FMN1: variants seen among roughly 807,000 people sequenced by gnomAD.
FMN1 encodes formin-1.
A neutral mutation model predicts 132.4 loss-of-function variants in FMN1; 110 were observed. The observed-to-expected ratio is 0.83, with a 90% confidence interval of 0.71 to 0.97. FMN1 has a LOEUF of 0.97. Ranked by LOEUF, FMN1 falls within the 50% of genes least tolerant of loss-of-function variation. The probability of loss-of-function intolerance (pLI) is 0.00; values close to 1 mark genes in which losing one functional copy is unlikely to be tolerated. For synonymous variants in FMN1, 722 were observed against 651.7 expected (o/e 1.11, Z -1.64); for missense variants, 1,792 against 1,705.3 (o/e 1.05, Z -0.90).
intron 6 of FMN1, among the ~76,000 whole-genome samples, chr15:33,045,145 G>T (rs1396932578): frequency 6.6e-6 from 1 of 152,224 alleles, no homozygotes; most frequent in Non-Finnish European, 1.5e-5. Flanking sequence ...TGCCAGCCGT[G>T]GAAGCTGCTT....
At chr15:33,026,399 C>T (rs345866) in intron 6 of FMN1, among the ~76,000 whole-genome samples, 58,631 of 138,958 alleles carry the variant, frequency 0.42, 11,910 homozygotes, top group Admixed American at 0.51. Flanking sequence ...TTAGAGGATA[C>T]GTCCAAATTT....
intron 4 of FMN1, 40 bp from the exon 5 acceptor site, chr15:33,089,014 C>CAAAT (rs369034455): frequency 1.2e-5 from 18 of 1,481,242 alleles, no homozygotes; most frequent in South Asian, 3.8e-5. Context: ...ACATGGCAGC[C>CAAAT]AAATAAATAA....
chr15:33,016,623 G>A (rs369849942), intron 6 of FMN1, among the ~76,000 whole-genome samples: 124 of 152,336 alleles, frequency 8.1e-4, no homozygotes, highest in African/African-American at 2.5e-3. Context: ...AGCAGCTGGT[G>A]AGAGGCTGTT....
chr15:32,781,210 GATCT>G (rs1253497730), intron 19 of FMN1, among the ~76,000 whole-genome samples: 4 of 152,044 alleles, frequency 2.6e-5, no homozygotes, highest in Non-Finnish European at 4.4e-5. Flanking sequence ...AATACTTAAA[GATCT>G]ATCAACTCAG....
intron 5 of FMN1, chr15:33,067,202 C>T (rs370979647): frequency 1.7e-5 from 28 of 1,613,402 alleles, no homozygotes; most frequent in Non-Finnish European, 1.9e-5. Context: ...GCTGGGGCGA[C>T]GCTCTGTCTG....
At chr15:33,127,717 T>A (rs1296848212) in intron 4 of FMN1, among the ~76,000 whole-genome samples, 2 of 152,188 alleles carry the variant, frequency 1.3e-5, no homozygotes, top group African/African-American at 4.8e-5. Context: ...GAACCTGTGG[T>A]TTCAGGCAGG....
intron 6 of FMN1, among the ~76,000 whole-genome samples, chr15:33,045,709 A>G (rs771065878): frequency 2.6e-5 from 4 of 152,206 alleles, no homozygotes; most frequent in Non-Finnish European, 5.9e-5. Flanking sequence ...TGGGTCAGAA[A>G]GAAACTGGTA....
chr15:33,077,716 T>A (rs1237409204), intron 5 of FMN1, among the ~76,000 whole-genome samples: 3 of 148,962 alleles, frequency 2.0e-5, no homozygotes, highest in Non-Finnish European at 4.4e-5. Flanking sequence ...TATGGCTGCA[T>A]GGGAGAAAAT....
intron 19 of FMN1, among the ~76,000 whole-genome samples, chr15:32,782,246 G>A (rs1301384256): frequency 6.6e-6 from 1 of 152,166 alleles, no homozygotes; most frequent in Non-Finnish European, 1.5e-5. Flanking sequence ...CCTTTACCCA[G>A]CACTGTACCA....
chr15:33,094,116 G>A (rs1463319215), intron 4 of FMN1, among the ~76,000 whole-genome samples: 1 of 152,196 alleles, frequency 6.6e-6, no homozygotes, highest in African/African-American at 2.4e-5. Context: ...AACAAGTTAA[G>A]AGCGTGGGTA....
intron 6 of FMN1, among the ~76,000 whole-genome samples, chr15:33,014,290 T>G (rs531259082): frequency 3.3e-5 from 5 of 152,316 alleles, no homozygotes; most frequent in African/African-American, 1.2e-4. Flanking sequence ...CCCCAGATGC[T>G]TCTTGAGGCT....
At chr15:32,973,181 T>C (rs2031927538) in intron 7 of FMN1, among the ~76,000 whole-genome samples, 1 of 152,212 alleles carries the variant, frequency 6.6e-6, no homozygotes, top group Admixed American at 6.5e-5. Context: ...TTAGCTTTAC[T>C]TGCAGACTAA....
chr15:32,809,841 G>A (rs2057811223), intron 17 of FMN1, among the ~76,000 whole-genome samples: 1 of 152,054 alleles, frequency 6.6e-6, no homozygotes, highest in East Asian at 1.9e-4. Context: ...ACTGGACTCT[G>A]TGCTCCTTTC....
intron 19 of FMN1, among the ~76,000 whole-genome samples, chr15:32,792,789 A>G (rs1388393697): frequency 5.9e-5 from 9 of 152,204 alleles, no homozygotes; most frequent in Non-Finnish European, 7.3e-5. Context: ...GGAACTCAGC[A>G]GCAATGGTAG....
At chr15:32,916,227 G>GT (rs1427904453) in intron 10 of FMN1, among the ~76,000 whole-genome samples, 2 of 152,200 alleles carry the variant, frequency 1.3e-5, no homozygotes, top group African/African-American at 4.8e-5. Flanking sequence ...CCCCCTCCGG[G>GT]TAAGAGATGG....
At chr15:33,048,644 A>AAAAAAAAAAAAAAACAAAAACAAAAAC in intron 6 of FMN1, among the ~76,000 whole-genome samples, 5 of 86,914 alleles carry the variant, frequency 5.8e-5, no homozygotes, top group African/African-American at 2.1e-4. Context: ...AAAAAAAAAA[A>AAAAAAAAAAAAAAACAAAAACAAAAAC]AAAAACCAAC....
At chr15:33,122,671 A>G (rs1962678669) in intron 4 of FMN1, among the ~76,000 whole-genome samples, 1 of 152,210 alleles carries the variant, frequency 6.6e-6, no homozygotes, top group African/African-American at 2.4e-5. Context: ...AGTTTGTGTC[A>G]AATCTAGGAA....
chr15:32,922,692 A>G (rs140665020), intron 10 of FMN1, among the ~76,000 whole-genome samples: 6 of 152,364 alleles, frequency 3.9e-5, no homozygotes, highest in African/African-American at 1.4e-4. Context: ...CAAAGCTGCA[A>G]TCTCAGAAAA....
At chr15:32,802,361 C>T (rs1051920943) in intron 18 of FMN1, among the ~76,000 whole-genome samples, 1 of 152,240 alleles carries the variant, frequency 6.6e-6, no homozygotes, top group African/African-American at 2.4e-5. Flanking sequence ...GTCTTACATG[C>T]ATGCCTTCAG....
Sources: gnomAD v4.1 joint callset for allele counts (sites outside exome capture counted in the v4.1 genomes callset) on GRCh38, gnomAD v4.1.1 for gene constraint, MANE v1.5 for transcripts, NCBI Gene and HGNC (gene_info 2026-07-23, HGNC 2026-07-21) for gene names.